The following TTN variants were observed in gnomAD, a reference collection of about 807,000 sequenced individuals.
The protein encoded by TTN is titin, also known as connectin.
TTN carries 1,525 observed loss-of-function variants against 3,223.0 expected under a neutral mutation model. The observed-to-expected ratio is 0.47, with a 90% CI of 0.45 to 0.49. The LOEUF is 0.49. Among genes scored for constraint, TTN ranks in the 20% least tolerant of loss-of-function variants. The pLI, the probability that TTN is intolerant of heterozygous loss-of-function variation, is 0.00. For synonymous variants in TTN, 14,094 were observed against 15,161.0 expected (o/e 0.93, Z 5.17); for missense variants, 40,786 against 43,424.0 (o/e 0.94, Z 5.40).
chr2:178,723,611 G>T lies in TTN; in HGVS notation c.21489C>A (p.Thr7163=). The T allele has an allele frequency of 2.5e-6, 4 of 1,612,960 alleles. No individual in the cohort carries two copies. The highest frequency in any genetic ancestry group is 3.4e-6 in the Non-Finnish European group (4 of 1,179,478). The change falls in exon 74 of 363, where the codon ACC becomes ACA. Residue 7163 remains threonine, a synonymous_variant. Coordinates refer to ENST00000589042, the MANE Select transcript of TTN (RefSeq NM_001267550.2). ...NVTFTSVIRG[T]PPFKVNWFRG... ...TGAACCAGTTGACTTTGAATGGAGG[G>T]GTTCCTCTAATAACGCTTGTGAAGG...
intron 350 of TTN, among the ~76,000 whole-genome samples, chr2:178,540,770 TG>T (rs1415502102): frequency 6.6e-6 from 1 of 152,150 alleles, no homozygotes; most frequent in Non-Finnish European, 1.5e-5. Context: ...CACTCCAGCC[TG>T]GGTGACAGAG....
In TTN at chr2:178,695,372, T is replaced by C; in HGVS notation, c.31246A>G (p.Lys10416Glu). ...ERKVPAKVPE[K>E]KAPPPPKVIK... ...CCTTTAGGAGGTGGTGGTGCTTTCT[T>C]TTCAGGTACTTTGGCTGGAACTTTT... Residue 10416 changes from lysine (K) to glutamate (E), a missense_variant, in exon 115 of 363, where the codon AAG becomes GAG. Physicochemically the swap from Lys to Glu is moderately conservative, Grantham distance 56. Transcript: ENST00000589042. 2 of 1,612,386 alleles carry C rather than the reference T, an allele frequency of 1.2e-6. No homozygotes were observed. The highest frequency in any genetic ancestry group is 1.7e-6 in the Non-Finnish European group (2 of 1,178,746).
chr2:178,624,489 T>C lies in TTN; in HGVS notation c.44791A>G (p.Thr14931Ala), dbSNP rs779264506. 26 of 1,612,438 alleles carry C rather than the reference T, an allele frequency of 1.6e-5. No homozygotes were observed. Among genetic ancestry groups the C allele is most frequent in the Non-Finnish European group, 2.2e-5 (26 of 1,179,010 alleles). The change falls in exon 242 of 363, where the codon ACT becomes GCT. Residue 14931 changes from threonine to alanine, a missense_variant. By Grantham distance (58) the Thr-to-Ala change is moderately conservative. Transcript: ENST00000589042. The part of the protein sequence containing the change: ...TYTCDAKDFK[T>A]SCNLNVVPPH... ...CGCACGACATTCAGGTTACAGGAAG[T>C]CTTAAAATCCTTAGCATCACAAGTG...
Position 178,574,691 on chromosome 2 carries a change from G to A in TTN, c.71441C>T (p.Thr23814Ile). Residue 23814 changes from threonine (T) to isoleucine (I), a missense_variant, in exon 326 of 363, where the codon ACA becomes ATA. By Grantham distance (89) the Thr-to-Ile change is moderately conservative. Coordinates refer to ENST00000589042, the MANE Select transcript of TTN (RefSeq NM_001267550.2). ...ATAGTTGGCAACTATGCATGCTGAT[G>A]TGATGCCTGGTCCAACTCCATATCT... Reference protein sequence around the residue: ...QNRYGVGPGITSACIVANYPF... With the variant: ...QNRYGVGPGIISACIVANYPF... 6.2e-7 allele frequency: 1 copy of A among 1,613,334 alleles called. No homozygotes were observed. The highest frequency in any genetic ancestry group is 2.2e-5 in the East Asian group (1 of 44,774).
intron 273 of TTN, 42 bp downstream of exon 273, chr2:178,609,166 T>G (rs1317018268): frequency 6.9e-7 from 1 of 1,448,634 alleles, no homozygotes; most frequent in Non-Finnish European, 9.0e-7. Context: ...TATGTTTTAC[T>G]AAAACCTTTT....
chr2:178,629,331 G>A lies in TTN; in HGVS notation c.44394C>T (p.Leu14798=). 1 of 1,612,822 alleles carries A rather than the reference G, an allele frequency of 6.2e-7. No individual in the cohort carries two copies. The highest frequency in any genetic ancestry group is 1.7e-4 in the Middle Eastern group (1 of 6,048). Residue 14798 remains leucine (L), a synonymous_variant, in exon 240 of 363, where the codon CTC becomes CTT. Coordinates refer to ENST00000589042, the MANE Select transcript of TTN (RefSeq NM_001267550.2). ...SYEDIPVEWY[L]KGKKLEPSDK... ...CGCTGGGCTCTAGTTTCTTCCCTTT[G>A]AGATACCATTCCACTGGGATATCTT...
At chr2:178,752,490 T>C (rs1481838464) in intron 47 of TTN, among the ~76,000 whole-genome samples, 1 of 151,928 alleles carries the variant, frequency 6.6e-6, no homozygotes, top group Admixed American at 6.6e-5. Context: ...ACTATAACCA[T>C]AAATAATTAG....
Position 178,543,906 on chromosome 2 carries a change from C to T in TTN, c.96238G>A (p.Ala32080Thr). 2 of 1,613,682 alleles carry T rather than the reference C, an allele frequency of 1.2e-6. No homozygotes were observed. Among genetic ancestry groups the T allele is most frequent in the Non-Finnish European group, 1.7e-6 (2 of 1,179,706 alleles). Reference sequence around the variant, plus strand: ...TCAGCTTCAATTGTGTATTTTCCAGCATCGTACCGATTAACTTTGTCCACT... The same window carrying T: ...TCAGCTTCAATTGTGTATTTTCCAGTATCGTACCGATTAACTTTGTCCACT... ...LIVDKVNRYD[A>T]GKYTIEAENQ... The change falls in exon 346 of 363, where the codon GCT becomes ACT. Residue 32080 changes from alanine to threonine, a missense_variant. Coordinates refer to ENST00000589042, the MANE Select transcript of TTN (RefSeq NM_001267550.2).
In TTN at chr2:178,632,192, C is replaced by T. The variant is rs372384272; in HGVS notation, c.43702G>A (p.Val14568Ile). The part of the protein sequence containing the change: ...LSIDDTSQIR[V>I]EAMGMSSEAK... ...TCTGAACTCATCCCCATAGCTTCTA[C>T]TCTAATTTGGGAGGTGTCATCAATA... Residue 14568 changes from valine to isoleucine, a missense_variant, in exon 236 of 363, where the codon GTA becomes ATA. Transcript: ENST00000589042. The T allele has an allele frequency of 5.0e-6, 8 of 1,608,852 alleles. No individual in the cohort carries two copies. In the African/African-American group the frequency reaches 1.1e-4, roughly 21 times the overall value.
Position 178,597,534 on chromosome 2 carries a change from T to C in TTN, c.57544+4A>G, listed in dbSNP as rs869312053. 29 of 1,607,900 alleles carry C rather than the reference T, an allele frequency of 1.8e-5. No homozygotes were observed. Among genetic ancestry groups the C allele is most frequent in the Non-Finnish European group, 2.5e-5 (29 of 1,177,410 alleles). On this transcript the variant is annotated splice_donor_region_variant and intron_variant, in intron 294 of 362. Coordinates refer to ENST00000589042, the MANE Select transcript of TTN (RefSeq NM_001267550.2). ...AGTTGCACAGACAAATTGAAAGTAT[T>C]TACCTAATACATCAACAATAATTGT...
At position 178,560,603 on chromosome 2, in the gene TTN, C is replaced by T; in HGVS notation, c.85529G>A (p.Cys28510Tyr). 1 of 1,613,500 alleles carries T rather than the reference C, an allele frequency of 6.2e-7. No individual in the cohort carries two copies. The highest frequency in any genetic ancestry group is 8.5e-7 in the Non-Finnish European group (1 of 1,179,770). ...GCCTTTGAGTAACTTGGTTACTTTA[C>T]AGGATGTCATCTGTAACTCTCCTTC... is the stretch of plus-strand genomic sequence containing the variant. Reference protein sequence around the residue: ...ICEGELQMTSCKVTKLLKGNE... With the variant: ...ICEGELQMTSYKVTKLLKGNE... The change falls in exon 326 of 363, where the codon TGT becomes TAT. Residue 28510 changes from cysteine (C) to tyrosine (Y), a missense_variant. Coordinates refer to ENST00000589042, the MANE Select transcript of TTN (RefSeq NM_001267550.2).
At chr2:178,705,029 A>C (rs923951712) in intron 103 of TTN, 63 bp from the exon 104 acceptor site, 1 of 1,590,494 alleles carries the variant, frequency 6.3e-7, no homozygotes, top group African/African-American at 1.3e-5. Flanking sequence ...AGGACGCATG[A>C]CTATATTCAG....
chr2:178,539,592 C>T lies in TTN; in HGVS notation c.98473G>A (p.Gly32825Ser), dbSNP rs747479441. The change falls in exon 352 of 363, where the codon GGT becomes AGT. Residue 32825 changes from glycine (G) to serine (S), a missense_variant. By Grantham distance (56) the Gly-to-Ser change is moderately conservative (BLOSUM62 0). Transcript: ENST00000589042. ...VSWRPPADDGGADILGYILER... is the reference protein window; with the variant it reads ...VSWRPPADDGSADILGYILER... ...AGGATGTAGCCTAAGATGTCAGCAC[C>T]ACCATCATCAGCAGGAGGTCTCCAG... The T allele has an allele frequency of 1.9e-6, 3 of 1,613,840 alleles. No individual in the cohort carries two copies. The South Asian group carries it at 3.3e-5, about 18-fold the overall frequency.
chr2:178,601,005 C>G lies in TTN; in HGVS notation c.55899G>C (p.Gln18633His). The change falls in exon 288 of 363, where the codon CAG becomes CAC. Residue 18633 changes from glutamine to histidine, a missense_variant. Transcript: ENST00000589042. Reference sequence around the variant, plus strand: ...GTTCTTCCACATCACGCTTATTGCACTGCCTCCAGGCTTCTTTCTTTGTCC... The same window carrying G: ...GTTCTTCCACATCACGCTTATTGCAGTGCCTCCAGGCTTCTTTCTTTGTCC... Reference protein sequence around the residue: ...PTGTKKEAWRQCNKRDVEELQ... With the variant: ...PTGTKKEAWRHCNKRDVEELQ... The G allele has an allele frequency of 6.2e-7, 1 of 1,613,086 alleles. No homozygotes were observed. The highest frequency in any genetic ancestry group is 8.5e-7 in the Non-Finnish European group (1 of 1,179,366).
chr2:178,612,481 G>A lies in TTN; in HGVS notation c.50044C>T (p.Pro16682Ser). Residue 16682 changes from proline to serine, a missense_variant, in exon 266 of 363, where the codon CCC becomes TCC. Pro to Ser is a moderately conservative substitution (Grantham distance 74). Coordinates refer to ENST00000589042, the MANE Select transcript of TTN (RefSeq NM_001267550.2). ...WTVPEKDGGS[P>S]ITNYIVEKRD... ...TTTTCCACAATGTAGTTGGTGATGG[G>A]GGACCCTCCATCTTTCTCAGGAACT... 1.9e-6 allele frequency: 3 copies of A among 1,612,162 alleles called. No individual in the cohort carries two copies. Among genetic ancestry groups the A allele is most frequent in the Non-Finnish European group, 2.5e-6 (3 of 1,179,128 alleles).
intron 259 of TTN, 77 bp downstream of exon 259, chr2:178,615,230 A>G: frequency 6.5e-7 from 1 of 1,529,504 alleles, no homozygotes; most frequent in Non-Finnish European, 8.9e-7. Flanking sequence ...AAAGACAAAC[A>G]TTTAAATTTT....
At chr2:178,689,227 T>C in intron 124 of TTN, 63 bp downstream of exon 124, 2 of 1,597,474 alleles carry the variant, frequency 1.3e-6, no homozygotes, top group Admixed American at 1.8e-5. Context: ...TGCACTCATA[T>C]CACAAAACTA....
chr2:178,735,126 A>G, intron 50 of TTN, 138 bp from the exon 51 acceptor site: 1 of 938,674 alleles, frequency 1.1e-6, no homozygotes, highest in Non-Finnish European at 1.5e-6. Context: ...GCTGTGGTGC[A>G]TTTAATAGGT....
At position 178,770,175 on chromosome 2, in the gene TTN, C is replaced by A; in HGVS notation, c.8526G>T (p.Leu2842=). 6.2e-7 allele frequency: 1 copy of A among 1,614,070 alleles called. No homozygotes were observed. The highest frequency in any genetic ancestry group is 8.5e-7 in the Non-Finnish European group (1 of 1,180,002). ...GCTTGTGGACTTTCCTTTCTGAGAC[C>A]AGTCTGTGTTTGTCACTTGGCTTAA... ...VEIKPSDKHR[L]VSERKVHKLM... is the part of the protein sequence containing the mutation. The change falls in exon 36 of 363, where the codon CTG becomes CTT. Residue 2842 remains leucine, a synonymous_variant. Transcript: ENST00000589042.
Sources: gnomAD v4.1 joint callset for allele counts (sites outside exome capture counted in the v4.1 genomes callset) on GRCh38, gnomAD v4.1.1 for gene constraint, MANE v1.5 for transcripts, NCBI Gene and HGNC (gene_info 2026-07-23, HGNC 2026-07-21) for gene names.